ADGRB1: variants seen among roughly 807,000 people sequenced by gnomAD.
ADGRB1 encodes the protein adhesion G protein-coupled receptor B1.
ADGRB1 carries 36 observed loss-of-function variants against 175.7 expected under a neutral mutation model. The ratio of observed to expected loss-of-function variants is 0.20; its 90% confidence interval spans 0.16 to 0.27. The LOEUF (loss-of-function observed/expected upper bound fraction) is 0.27. Among genes scored for constraint, ADGRB1 ranks in the 10% least tolerant of loss-of-function variants. ADGRB1 has a pLI of 1.00. For synonymous variants in ADGRB1, 1,054 were observed against 979.4 expected, an observed-to-expected ratio of 1.08 and a Z score of -1.42; for missense variants, 1,731 against 2,255.3, an observed-to-expected ratio of 0.77 and a Z score of 4.71.
At chr8:142,502,771 T>C (rs2131989380) in intron 17 of ADGRB1, among the ~76,000 whole-genome samples, 1 of 151,784 alleles carries the variant, frequency 6.6e-6, no homozygotes, top group African/African-American at 2.4e-5. Context: ...GTATTTATGA[T>C]GTTGATGGTG....
chr8:142,507,797 G>C (rs931808847), intron 17 of ADGRB1, among the ~76,000 whole-genome samples: 1 of 152,242 alleles, frequency 6.6e-6, no homozygotes. Context: ...CCTGGCCCTT[G>C]AGAAGCAGAG....
intron 13 of ADGRB1, 81 bp downstream of exon 13, chr8:142,484,845 C>T (rs1841578366): frequency 9.0e-7 from 1 of 1,107,950 alleles, no homozygotes; most frequent in Non-Finnish European, 1.3e-6. Flanking sequence ...GCATCCTCAT[C>T]TGTATAAAGG....
intron 26 of ADGRB1, among the ~76,000 whole-genome samples, chr8:142,538,226 T>G (rs1845053546): frequency 6.6e-6 from 1 of 152,216 alleles, no homozygotes. Context: ...TCTGCACGGC[T>G]GGTGCGCGGG....
chr8:142,463,639 G>C (rs547029186), intron 1 of ADGRB1, among the ~76,000 whole-genome samples: 6 of 152,370 alleles, frequency 3.9e-5, no homozygotes, highest in African/African-American at 1.2e-4. Context: ...GGCAGGCCAG[G>C]GCCCCCGGGA....
intron 6 of ADGRB1, 82 bp from the exon 7 acceptor site, chr8:142,478,105 C>G: frequency 6.6e-7 from 1 of 1,523,526 alleles, no homozygotes; most frequent in Non-Finnish European, 8.9e-7. Flanking sequence ...TGGTAGCACC[C>G]AGGGTGCTCA....
intron 1 of ADGRB1, among the ~76,000 whole-genome samples, chr8:142,460,711 C>T (rs1317261717): frequency 6.6e-6 from 1 of 152,180 alleles, no homozygotes; most frequent in Non-Finnish European, 1.5e-5. Flanking sequence ...CCCTTAGCCC[C>T]TCCTCCCTGA....
intron 13 of ADGRB1, among the ~76,000 whole-genome samples, chr8:142,487,021 C>T (rs947023483): frequency 4.6e-5 from 7 of 152,048 alleles, no homozygotes; most frequent in African/African-American, 1.4e-4. Context: ...CTTTAAAGAA[C>T]AAAAAAAGAC....
At position 142,511,039 on chromosome 8, in the gene ADGRB1, C is replaced by A; in HGVS notation, c.2783C>A (p.Thr928Asn). 1 of 1,297,908 alleles carries A rather than the reference C, an allele frequency of 7.7e-7. No individual in the cohort carries two copies. The highest frequency in any genetic ancestry group is 1.5e-5 in the South Asian group (1 of 67,908). 80.4% of individuals were successfully genotyped at this position (1,297,908 alleles called of 1,614,324 possible). A position where few individuals can be genotyped will look rare whatever the true frequency, so the allele number is the denominator to read the frequency against. Residue 928 changes from threonine to asparagine, a missense_variant, in exon 18 of 31, where the codon ACC becomes AAC. Physicochemically the swap from Thr to Asn is moderately conservative, Grantham distance 65 (BLOSUM62 0). Coordinates refer to ENST00000517894, the MANE Select transcript of ADGRB1 (RefSeq NM_001702.3). This position sits in a 1 kb window ranked among gnomAD's most constrained non-coding sequence, Gnocchi z 4.5. ...CGCTGCCTCTGTGACCGGCTCTCCA[C>A]CTTCGCCATCTTAGCCCAGCTCAGC... ...RTRCLCDRLSTFAILAQLSAD... is the reference protein window; with the variant it reads ...RTRCLCDRLSNFAILAQLSAD...
intron 1 of ADGRB1, among the ~76,000 whole-genome samples, chr8:142,454,963 C>T (rs980312356): frequency 4.0e-5 from 6 of 151,154 alleles, no homozygotes; most frequent in African/African-American, 1.5e-4. Flanking sequence ...GACCTCTGCC[C>T]CTCCTCCCTC....
At chr8:142,502,811 A>G (rs112334485) in intron 17 of ADGRB1, among the ~76,000 whole-genome samples, 5,365 of 151,620 alleles carry the variant, frequency 0.035, 268 homozygotes, top group African/African-American at 0.11. Flanking sequence ...TGTGGTAGCA[A>G]TGGTTGTGTT....
chr8:142,501,673 T>C (rs1427553610), intron 17 of ADGRB1, among the ~76,000 whole-genome samples: 2 of 126,678 alleles, frequency 1.6e-5, no homozygotes, highest in African/African-American at 3.0e-5. Flanking sequence ...GTAGTGATGT[T>C]TGTGTGGTTT....
chr8:142,470,637 G>T (rs778099129), intron 2 of ADGRB1, among the ~76,000 whole-genome samples: 2 of 152,136 alleles, frequency 1.3e-5, no homozygotes, highest in Non-Finnish European at 2.9e-5. Context: ...TCCTCTGTGT[G>T]CCCACAGGGA....
At chr8:142,454,904 C>T (rs1017640792) in intron 1 of ADGRB1, among the ~76,000 whole-genome samples, 2 of 152,136 alleles carry the variant, frequency 1.3e-5, no homozygotes. Flanking sequence ...TTCTGCTACC[C>T]CGTTACAGGC....
intron 18 of ADGRB1, among the ~76,000 whole-genome samples, chr8:142,514,821 A>G (rs1204360713): frequency 2.6e-5 from 4 of 151,900 alleles, no homozygotes; most frequent in Non-Finnish European, 5.9e-5. Context: ...TGTGATGGGA[A>G]TTGGGGCTCG....
At chr8:142,513,417 C>A (rs1451486255) in intron 18 of ADGRB1, among the ~76,000 whole-genome samples, 1 of 152,194 alleles carries the variant, frequency 6.6e-6, no homozygotes, top group Non-Finnish European at 1.5e-5. Flanking sequence ...CTGTCCTTTC[C>A]ACACCACCTC....
At chr8:142,463,237 C>T (rs1293326402) in intron 1 of ADGRB1, among the ~76,000 whole-genome samples, 2 of 152,140 alleles carry the variant, frequency 1.3e-5, no homozygotes, top group Non-Finnish European at 2.9e-5. Flanking sequence ...CGAGGGCACA[C>T]GTGGGAGGGC....
At chr8:142,539,524 G>GC in intron 27 of ADGRB1, 111 bp downstream of exon 27, 1 of 1,328,548 alleles carries the variant, frequency 7.5e-7, no homozygotes, top group Non-Finnish European at 1.0e-6. Context: ...CACTCCTGCT[G>GC]CCCCCACCCA....
At chr8:142,530,095 T>C (rs13249935) in intron 24 of ADGRB1, among the ~76,000 whole-genome samples, 53,107 of 152,020 alleles carry the variant, frequency 0.35, 9,490 homozygotes, top group East Asian at 0.56. Context: ...TGAGTGCAAC[T>C]TGATATTTTG....
At position 142,478,366 on chromosome 8, in the gene ADGRB1, G is replaced by C. The variant is rs370291084; in HGVS notation, c.1561+6G>C. ...CTTCCTGCAGCAGTGCCCAGGTCAG[G>C]GGTGCGCCAGGCTGGGGTCGGGGGG... On this transcript the variant is annotated splice_donor_region_variant and intron_variant, in intron 7 of 30. Transcript: ENST00000517894. The C allele has an allele frequency of 1.4e-5, 22 of 1,591,216 alleles. No individual in the cohort carries two copies. The African/African-American group carries it at 2.0e-4, about 15-fold the overall frequency.
Sources: gnomAD v4.1 joint callset for allele counts (sites outside exome capture counted in the v4.1 genomes callset) on GRCh38, gnomAD v4.1.1 for gene constraint, Gnocchi (gnomAD v3.1) non-coding constraint, MANE v1.5 for transcripts, NCBI Gene and HGNC (gene_info 2026-07-23, HGNC 2026-07-21) for gene names.